GNG7: variants seen among roughly 807,000 people sequenced by gnomAD.
GNG7 encodes the protein guanine nucleotide-binding protein G(I)/G(S)/G(O) subunit gamma-7.
A neutral mutation model predicts 4.0 loss-of-function variants in GNG7; 1 was observed. That is an observed-to-expected ratio of 0.25 (90% CI 0.09 to 1.18). GNG7 has a LOEUF of 1.18. Ranked by LOEUF, GNG7 falls within the 50% of genes most tolerant of loss-of-function variation. GNG7 has a pLI of 0.50. For missense variants in GNG7, 86 were observed against 91.9 expected (o/e 0.94, Z 0.26); for synonymous variants, 34 against 36.9 (o/e 0.92, Z 0.29).
At chr19:2,527,936 G>C (rs1427378992) in intron 3 of GNG7, among the ~76,000 whole-genome samples, 1 of 152,150 alleles carries the variant, frequency 6.6e-6, no homozygotes, top group Non-Finnish European at 1.5e-5. Context: ...CAAAGAGTTT[G>C]AACCCAGCTG....
rs115585695 is a variant in GNG7 at position 2,666,174 on chromosome 19, T to C, written c.-134-19894A>G. On this transcript the variant is annotated intron_variant, in intron 1 of 4. Transcript: ENST00000382159. ...TGTTTTAATTTTTATTGTATTTATT[T>C]ATTCATTTTTATTTTGAGACAGAGT... is the stretch of plus-strand genomic sequence containing the variant. Among the ~76,000 whole-genome samples, 1,517 of 151,860 alleles carry C rather than the reference T, an allele frequency of 1.0e-2. 19 individuals are homozygous for C. Among genetic ancestry groups the C allele is most frequent in the African/African-American group, 0.035 (1,454 of 41,370 alleles).
chr19:2,622,487 T>C (rs73919818), intron 2 of GNG7, among the ~76,000 whole-genome samples: 2,130 of 152,194 alleles, frequency 0.014, 50 homozygotes, highest in African/African-American at 0.048. Context: ...CCCCCGAAAC[T>C]GGCAACACCA....
At position 2,511,668 on chromosome 19, in the gene GNG7, A is replaced by G. The variant is rs1453574144; in HGVS notation, c.*3354T>C. On this transcript the variant is annotated 3_prime_UTR_variant, in exon 5 of 5. Coordinates refer to ENST00000382159, the MANE Select transcript of GNG7 (RefSeq NM_052847.3). The surrounding 1 kb of genome is among the most constrained non-coding windows in gnomAD (Gnocchi z 6.3). ...GGCAGGACGGGCTGTTAACTTGGAG[A>G]TGGATGCGTGGCCTGGAGGCCTAGC... The G allele has an allele frequency of 5.2e-6, 2 of 381,782 alleles. No individual in the cohort carries two copies. Among genetic ancestry groups the G allele is most frequent in the African/African-American group, 4.4e-5 (2 of 45,566 alleles). The allele number at this position is 381,782 out of a possible 1,614,324, so 23.6% of individuals were successfully genotyped here.
intron 2 of GNG7, among the ~76,000 whole-genome samples, chr19:2,625,268 T>C (rs1203012904): frequency 1.3e-5 from 2 of 152,132 alleles, no homozygotes; most frequent in Non-Finnish European, 2.9e-5. Context: ...CAAGGGGGTC[T>C]CACTCTTTTA....
chr19:2,633,487 G>GCGCGCACA lies in GNG7; in HGVS notation c.-78+12736_-78+12737insTGTGCGCG, dbSNP rs1250581952. Among the ~76,000 whole-genome samples, 518 of 103,666 alleles carry GCGCGCACA rather than the reference G, an allele frequency of 5.0e-3. 2 individuals are homozygous for GCGCGCACA. Among genetic ancestry groups the GCGCGCACA allele is most frequent in the African/African-American group, 0.019 (480 of 25,396 alleles). 68.0% of individuals were successfully genotyped at this position (103,666 alleles called of 152,430 possible). ...TAGCAACAGGCGCGCGCGCGCGCGC[G>GCGCGCACA]CACACACACACACACACACACACAC... On this transcript the variant is annotated intron_variant, in intron 2 of 4. Transcript: ENST00000382159. The surrounding 1 kb of genome is among the most constrained non-coding windows in gnomAD (Gnocchi z 5.9).
chr19:2,577,156 A>G (rs1467084888), intron 2 of GNG7, among the ~76,000 whole-genome samples: 1 of 152,148 alleles, frequency 6.6e-6, no homozygotes, highest in African/African-American at 2.4e-5. Flanking sequence ...ATTGCCATCC[A>G]TGTGGCGCCT....
intron 2 of GNG7, among the ~76,000 whole-genome samples, chr19:2,560,267 G>A (rs1025288748): frequency 2.0e-5 from 3 of 152,074 alleles, no homozygotes; most frequent in Non-Finnish European, 4.4e-5. Context: ...CCTGTCCCTC[G>A]CGCCCCTAGT....
chr19:2,544,453 C>T (rs1054717748), intron 3 of GNG7, among the ~76,000 whole-genome samples: 4 of 152,100 alleles, frequency 2.6e-5, no homozygotes, highest in African/African-American at 4.8e-5. Context: ...GGCGCGATCT[C>T]GGCTCACTGC....
chr19:2,548,891 G>A (rs946464743), intron 3 of GNG7, among the ~76,000 whole-genome samples: 5 of 152,178 alleles, frequency 3.3e-5, no homozygotes, highest in African/African-American at 1.2e-4. Flanking sequence ...GACCCTGGTC[G>A]AAGGGATGTT....
At chr19:2,620,496 G>A (rs550259469) in intron 2 of GNG7, among the ~76,000 whole-genome samples, 1 of 152,200 alleles carries the variant, frequency 6.6e-6, no homozygotes, top group Non-Finnish European at 1.5e-5. Context: ...CCTCAGAACC[G>A]TTTCCTATCG....
chr19:2,663,344 C>T (rs1419323289), intron 1 of GNG7, among the ~76,000 whole-genome samples: 1 of 148,590 alleles, frequency 6.7e-6, no homozygotes, highest in East Asian at 1.9e-4. Flanking sequence ...TTCTCTCTCT[C>T]TCCCCCCCCT....
At chr19:2,694,711 G>A (rs1468559294) in intron 1 of GNG7, among the ~76,000 whole-genome samples, 1 of 152,058 alleles carries the variant, frequency 6.6e-6, no homozygotes, top group African/African-American at 2.4e-5. Context: ...CCTCAGCAGG[G>A]CAGAGGATCA....
intron 3 of GNG7, among the ~76,000 whole-genome samples, chr19:2,535,305 A>G (rs1279262323): frequency 1.4e-5 from 2 of 142,132 alleles, no homozygotes; most frequent in Non-Finnish European, 3.0e-5. Flanking sequence ...CCTGGGCAAC[A>G]TGGCAAAACC....
At chr19:2,553,749 A>G (rs1029121115) in intron 3 of GNG7, among the ~76,000 whole-genome samples, 12 of 148,958 alleles carry the variant, frequency 8.1e-5, no homozygotes, top group African/African-American at 2.4e-4. Context: ...GCAATATATT[A>G]CATATATGCA....
At chr19:2,594,398 AGAAGGAGGGAAG>A (rs757890044) in intron 2 of GNG7, among the ~76,000 whole-genome samples, 209 of 98,910 alleles carry the variant, frequency 2.1e-3, no homozygotes, top group Non-Finnish European at 3.3e-3. Context: ...AAGGAAAGAA[AGAAGGAGGGAAG>A]GAAGGAAGGA....
At chr19:2,616,355 C>A (rs1395633714) in intron 2 of GNG7, among the ~76,000 whole-genome samples, 1 of 152,098 alleles carries the variant, frequency 6.6e-6, no homozygotes, top group Non-Finnish European at 1.5e-5. Context: ...AGCGATTCTC[C>A]TGCCTCAGCC....
chr19:2,584,304 A>G (rs1980582116), intron 2 of GNG7, among the ~76,000 whole-genome samples: 1 of 148,294 alleles, frequency 6.7e-6, no homozygotes, highest in Non-Finnish European at 1.5e-5. Context: ...AAAAAAAAAA[A>G]GCGATGGCAC....
At chr19:2,692,027 C>T (rs1913146880) in intron 1 of GNG7, among the ~76,000 whole-genome samples, 1 of 152,202 alleles carries the variant, frequency 6.6e-6, no homozygotes, top group African/African-American at 2.4e-5. Flanking sequence ...CCTGGAGCCT[C>T]TAGAAGGAGC....
At chr19:2,538,962 A>G (rs373550268) in intron 3 of GNG7, among the ~76,000 whole-genome samples, 47 of 151,696 alleles carry the variant, frequency 3.1e-4, no homozygotes, top group South Asian at 1.7e-3. Flanking sequence ...TAGTAGAGAC[A>G]GGGTTTCACC....
Sources: gnomAD v4.1 joint callset for allele counts (sites outside exome capture counted in the v4.1 genomes callset) on GRCh38, gnomAD v4.1.1 for gene constraint, Gnocchi (gnomAD v3.1) non-coding constraint, MANE v1.5 for transcripts, NCBI Gene and HGNC (gene_info 2026-07-23, HGNC 2026-07-21) for gene names.